Variants in ADGRB3 observed in about 807,000 individuals in gnomAD.
The protein encoded by ADGRB3 is adhesion G protein-coupled receptor B3, also known as brain-specific angiogenesis inhibitor 3.
ADGRB3 carries 37 observed loss-of-function variants against 193.4 expected under a neutral mutation model. That is an observed-to-expected ratio of 0.19 (90% confidence interval 0.15 to 0.25). The LOEUF (loss-of-function observed/expected upper bound fraction) is 0.25. Among genes scored for constraint, ADGRB3 ranks in the 10% least tolerant of loss-of-function variants. The pLI is 1.00. For missense variants in ADGRB3, 1,637 were observed against 1,852.9 expected, an observed-to-expected ratio of 0.88 and a Z score of 2.14; for synonymous variants, 690 against 644.2, an observed-to-expected ratio of 1.07 and a Z score of -1.08.
At chr6:68,676,438 G>GAC (rs1381299988) in intron 3 of ADGRB3, among the ~76,000 whole-genome samples, 1 of 149,756 alleles carries the variant, frequency 6.7e-6, no homozygotes, top group Non-Finnish European at 1.5e-5. Flanking sequence ...GAATGAAGTT[G>GAC]ACTTCAAAAA....
intron 3 of ADGRB3, among the ~76,000 whole-genome samples, chr6:68,817,342 TATATATATATATATATATA>T (rs1767656376): frequency 1.8e-5 from 2 of 108,166 alleles, no homozygotes; most frequent in African/African-American, 1.0e-4. Context: ...TATATATATA[TATATATATATATATATATA>T]ATTTCTGACT....
At chr6:68,869,806 G>C (rs533230545) in intron 3 of ADGRB3, among the ~76,000 whole-genome samples, 1 of 151,908 alleles carries the variant, frequency 6.6e-6, no homozygotes, top group African/African-American at 2.4e-5. Flanking sequence ...AGTCTCACTC[G>C]CTCACTCGGT....
At chr6:69,157,146 A>G (rs1561937430) in intron 17 of ADGRB3, among the ~76,000 whole-genome samples, 1 of 152,234 alleles carries the variant, frequency 6.6e-6, no homozygotes, top group Non-Finnish European at 1.5e-5. Flanking sequence ...CCCCATCTGT[A>G]CGTAGAGATG....
At chr6:68,991,217 C>T (rs892629178) in intron 10 of ADGRB3, among the ~76,000 whole-genome samples, 1 of 152,078 alleles carries the variant, frequency 6.6e-6, no homozygotes, top group Non-Finnish European at 1.5e-5. Flanking sequence ...TATGACCTAA[C>T]AACCTAAGCA....
At chr6:68,813,776 G>A (rs991091055) in intron 3 of ADGRB3, among the ~76,000 whole-genome samples, 3 of 151,882 alleles carry the variant, frequency 2.0e-5, no homozygotes, top group Non-Finnish European at 2.9e-5. Flanking sequence ...CTCATTGTTC[G>A]ATTCCCACCT....
At chr6:68,785,989 C>G (rs1766959766) in intron 3 of ADGRB3, among the ~76,000 whole-genome samples, 1 of 152,026 alleles carries the variant, frequency 6.6e-6, no homozygotes, top group African/African-American at 2.4e-5. Flanking sequence ...CCTTTGCCCA[C>G]TTTTTGATGG....
intron 3 of ADGRB3, among the ~76,000 whole-genome samples, chr6:68,899,192 A>T (rs1374217742): frequency 6.6e-6 from 1 of 152,172 alleles, no homozygotes; most frequent in Non-Finnish European, 1.5e-5. Context: ...AATTTCAAAA[A>T]ATTTAAAAAA....
chr6:68,899,537 T>C (rs982590302), intron 3 of ADGRB3, among the ~76,000 whole-genome samples: 7 of 149,472 alleles, frequency 4.7e-5, no homozygotes, highest in Admixed American at 3.4e-4. Context: ...TGAGAATATG[T>C]GGTGTTTGGT....
intron 3 of ADGRB3, among the ~76,000 whole-genome samples, chr6:68,702,675 T>G (rs1237240812): frequency 6.6e-6 from 1 of 152,058 alleles, no homozygotes; most frequent in Non-Finnish European, 1.5e-5. Context: ...TTTCAAATAT[T>G]AGAGCCCCCT....
At chr6:68,974,414 T>G (rs1198990264) in intron 8 of ADGRB3, among the ~76,000 whole-genome samples, 1 of 152,094 alleles carries the variant, frequency 6.6e-6, no homozygotes, top group Non-Finnish European at 1.5e-5. Context: ...TCCTGGCACT[T>G]TGGGAGAAGC....
chr6:68,716,425 T>TGAAGATATTAAAGATATTA, intron 3 of ADGRB3, among the ~76,000 whole-genome samples: 1 of 151,648 alleles, frequency 6.6e-6, no homozygotes, highest in Non-Finnish European at 1.5e-5. Flanking sequence ...AAAGTTCTCT[T>TGAAGATATTAAAGATATTA]CAACTGTGGG....
intron 17 of ADGRB3, among the ~76,000 whole-genome samples, chr6:69,209,641 T>C (rs1008655810): frequency 3.3e-5 from 5 of 152,032 alleles, no homozygotes; most frequent in Non-Finnish European, 7.4e-5. Context: ...ACCCCTGAGG[T>C]AGGACAGTAA....
At chr6:68,847,526 A>G (rs1768304131) in intron 3 of ADGRB3, among the ~76,000 whole-genome samples, 1 of 152,160 alleles carries the variant, frequency 6.6e-6, no homozygotes, top group Non-Finnish European at 1.5e-5. Context: ...ATGATAGTGA[A>G]TAAGTCTCAC....
intron 17 of ADGRB3, among the ~76,000 whole-genome samples, chr6:69,078,746 G>T (rs533851318): frequency 1.1e-4 from 16 of 151,916 alleles, no homozygotes; most frequent in Non-Finnish European, 1.3e-4. Flanking sequence ...ATATAACCCC[G>T]TTTGATACTT....
Position 69,388,968 on chromosome 6 carries a change from A to G in ADGRB3, c.*77A>G, listed in dbSNP as rs186169559. The G allele has an allele frequency of 1.6e-4, 229 of 1,399,394 alleles. No homozygotes were observed. In the East Asian group the frequency reaches 5.2e-3, roughly 32 times the overall value. 86.7% of individuals were successfully genotyped at this position (1,399,394 alleles called of 1,614,324 possible). A position where few individuals can be genotyped will look rare whatever the true frequency, so the allele number is the denominator to read the frequency against. On this transcript the variant is annotated 3_prime_UTR_variant, in exon 32 of 32. Coordinates refer to ENST00000370598, the MANE Select transcript of ADGRB3 (RefSeq NM_001704.3). ...AAGACTTGGGAAGCCTGACATTTCT[A>G]TCTGGACAGTGTGACTATCTTATGT...
At chr6:68,968,695 C>G (rs563596222) in intron 8 of ADGRB3, among the ~76,000 whole-genome samples, 3 of 152,090 alleles carry the variant, frequency 2.0e-5, no homozygotes, top group African/African-American at 7.2e-5. Context: ...TTATTAAAAA[C>G]GGACGAGTCG....
rs181258574 is a variant in ADGRB3, at chr6:69,336,088, A to G, written c.3189-2828A>G. On this transcript the variant is annotated intron_variant, in intron 24 of 31. Transcript: ENST00000370598. The stretch of plus-strand genomic sequence containing the variant: ...AACTTTTAAGTTCAGGAGTAGAAGT[A>G]CAGGCTTTTTACACAGATAAACTTG... Among the ~76,000 whole-genome samples, 428 of 152,044 alleles carry G rather than the reference A, an allele frequency of 2.8e-3. 2 individuals are homozygous for G. Among genetic ancestry groups the G allele is most frequent in the Non-Finnish European group, 4.4e-3 (301 of 67,844 alleles).
intron 24 of ADGRB3, 95 bp from the exon 25 acceptor site, chr6:69,338,821 T>C: frequency 1.0e-6 from 1 of 991,284 alleles, no homozygotes; most frequent in South Asian, 1.4e-5. Context: ...CTTTTCTGCA[T>C]GAAATCGTAT....
At chr6:68,736,659 A>G (rs1396383899) in intron 3 of ADGRB3, among the ~76,000 whole-genome samples, 2 of 152,170 alleles carry the variant, frequency 1.3e-5, no homozygotes, top group Non-Finnish European at 2.9e-5. Flanking sequence ...CCAAAAGAGA[A>G]TGAAGATTAA....
Sources: allele counts gnomAD v4.1 joint callset (sites outside exome capture counted in the v4.1 genomes callset), GRCh38; gene constraint gnomAD v4.1.1; transcripts MANE v1.5; gene names NCBI Gene and HGNC (gene_info 2026-07-23, HGNC 2026-07-21).